Variants in ANO2 observed in about 807,000 individuals in gnomAD.
ANO2 encodes anoctamin 2.
In ANO2, 101 loss-of-function variants were observed where a neutral mutation model predicts 124.2. That is an observed-to-expected ratio of 0.81 (90% CI 0.69 to 0.96). ANO2 has a LOEUF of 0.96. ANO2 is among the 40% of genes least tolerant of loss of function. The probability of loss-of-function intolerance (pLI) is 0.00; values close to 1 mark genes in which losing one functional copy is unlikely to be tolerated. For synonymous variants in ANO2, 486 were observed against 482.5 expected (o/e 1.01, Z -0.09); for missense variants, 1,293 against 1,274.5 (o/e 1.01, Z -0.22).
chr12:5,665,598 G>T (rs1193129763), intron 14 of ANO2, among the ~76,000 whole-genome samples: 2 of 152,104 alleles, frequency 1.3e-5, no homozygotes, highest in African/African-American at 4.8e-5. Flanking sequence ...TCCCCACCTG[G>T]AGCCAGGACC....
chr12:5,892,987 G>A (rs1939514296), intron 3 of ANO2, among the ~76,000 whole-genome samples: 1 of 152,104 alleles, frequency 6.6e-6, no homozygotes, highest in East Asian at 1.9e-4. Context: ...ATACAAAGGA[G>A]GAAAGGCAAA....
chr12:5,577,588 C>T (rs1327349480), intron 22 of ANO2, among the ~76,000 whole-genome samples: 1 of 152,196 alleles, frequency 6.6e-6, no homozygotes, highest in Non-Finnish European at 1.5e-5. Context: ...CTGGGCAATG[C>T]TCCAGGTATT....
At chr12:5,739,100 C>CTCCA (rs1251344899) in intron 13 of ANO2, 1 of 673,242 alleles carries the variant, frequency 1.5e-6, no homozygotes, top group Admixed American at 2.0e-5. Context: ...GCTCAATGCC[C>CTCCA]TCCAGCTCAA....
chr12:5,640,474 G>C (rs1035232734), intron 15 of ANO2, among the ~76,000 whole-genome samples: 2 of 152,132 alleles, frequency 1.3e-5, no homozygotes, highest in Middle Eastern at 3.4e-3. Flanking sequence ...TTTGCAATCT[G>C]CCCATCTGAC....
intron 14 of ANO2, among the ~76,000 whole-genome samples, chr12:5,674,581 C>T (rs1948147052): frequency 6.6e-6 from 1 of 152,238 alleles, no homozygotes; most frequent in Non-Finnish European, 1.5e-5. Flanking sequence ...GTGGCCACCT[C>T]TTCTTAGAAG....
At chr12:5,627,542 G>C (rs1346181346) in intron 16 of ANO2, among the ~76,000 whole-genome samples, 1 of 152,184 alleles carries the variant, frequency 6.6e-6, no homozygotes, top group East Asian at 1.9e-4. Context: ...CCCCATCCCA[G>C]AGCACTGCAT....
rs78722556 is a variant in ANO2, at chr12:5,874,375, T to A, written c.535-20234A>T. On this transcript the variant is annotated intron_variant, in intron 3 of 24. Transcript: ENST00000682330. ...GGGAAGTCACGTCCCTTCCTCTCCC[T>A]TCTCTTGCCCTATGCAGGCAAGAGC... Among the ~76,000 whole-genome samples, 555 of 152,290 alleles carry A rather than the reference T, an allele frequency of 3.6e-3. 3 individuals are homozygous for A. The highest frequency in any genetic ancestry group is 0.012 in the African/African-American group (508 of 41,564).
chr12:5,818,639 G>A (rs1464690458), intron 7 of ANO2, among the ~76,000 whole-genome samples: 2 of 151,418 alleles, frequency 1.3e-5, no homozygotes, highest in East Asian at 3.9e-4. Context: ...TTCTGGAGTT[G>A]GCTGCTTAAT....
chr12:5,664,731 C>G (rs1408385860), intron 14 of ANO2, among the ~76,000 whole-genome samples: 1 of 152,184 alleles, frequency 6.6e-6, no homozygotes, highest in Admixed American at 6.5e-5. Context: ...TGTTCTCCCC[C>G]ATACTGAAAA....
At position 5,807,399 on chromosome 12, in the gene ANO2, C is replaced by A. The variant is rs778664749; in HGVS notation, c.893-31G>T. The A allele has an allele frequency of 5.2e-6, 8 of 1,540,600 alleles. No individual in the cohort carries two copies. In the East Asian group the frequency reaches 2.0e-4, roughly 38 times the overall value. On this transcript the variant is annotated intron_variant, in intron 7 of 24. Coordinates refer to ENST00000682330, the MANE Select transcript of ANO2 (RefSeq NM_001364791.2). ...GAAGAAAGGGAGATGAAAATAGTAACTCTGGGGCAAGCGTTTCTCAACTTA... is the reference window on the plus strand; with the variant it reads ...GAAGAAAGGGAGATGAAAATAGTAAATCTGGGGCAAGCGTTTCTCAACTTA...
chr12:5,914,091 TC>T (rs1941226379), intron 3 of ANO2, among the ~76,000 whole-genome samples: 1 of 151,966 alleles, frequency 6.6e-6, no homozygotes, highest in South Asian at 2.1e-4. Context: ...TCCCAGCTAC[TC>T]AGGAGGCTGA....
At chr12:5,798,307 C>T (rs898070963) in intron 10 of ANO2, among the ~76,000 whole-genome samples, 18 of 152,104 alleles carry the variant, frequency 1.2e-4, no homozygotes, top group African/African-American at 4.1e-4. Flanking sequence ...CCTTGGTTCA[C>T]GGTCCTCAGC....
At chr12:5,591,273 C>T (rs1591685619) in intron 20 of ANO2, among the ~76,000 whole-genome samples, 1 of 152,184 alleles carries the variant, frequency 6.6e-6, no homozygotes, top group Non-Finnish European at 1.5e-5. Context: ...CAGGTGCTTA[C>T]ATACCCTGCT....
intron 4 of ANO2, among the ~76,000 whole-genome samples, chr12:5,848,276 C>T (rs1954748900): frequency 6.6e-6 from 1 of 152,166 alleles, no homozygotes; most frequent in Non-Finnish European, 1.5e-5. Flanking sequence ...CCAGAAAGCC[C>T]AGAATGCAAC....
intron 23 of ANO2, 77 bp downstream of exon 23, chr12:5,575,757 A>G: frequency 6.7e-7 from 1 of 1,496,424 alleles, no homozygotes; most frequent in African/African-American, 1.4e-5. Flanking sequence ...CAGGGTTGTA[A>G]TTCTAGGTCG....
At position 5,925,662 on chromosome 12, in the gene ANO2, C is replaced by T. The variant is rs549185546; in HGVS notation, c.23-2858G>A. Among the ~76,000 whole-genome samples the T allele has an allele frequency of 6.6e-6, 1 of 152,238 alleles. No individual in the cohort carries two copies. Among genetic ancestry groups the T allele is most frequent in the Non-Finnish European group, 1.5e-5 (1 of 68,040 alleles). On this transcript the variant is annotated intron_variant, in intron 1 of 24. Coordinates refer to ENST00000682330, the MANE Select transcript of ANO2 (RefSeq NM_001364791.2). The surrounding 1 kb of genome is among the most constrained non-coding windows in gnomAD (Gnocchi z 4.6). ...GAGGTCAATTAGAAGGAAAGGCCAT[C>T]GTACACAGCCCGTGGAACATGTCAC...
intron 3 of ANO2, among the ~76,000 whole-genome samples, chr12:5,884,233 T>C (rs569687474): frequency 3.3e-5 from 5 of 152,262 alleles, no homozygotes; most frequent in South Asian, 4.2e-4. Flanking sequence ...CACCAGGACA[T>C]TGCAAAATTC....
chr12:5,799,648 CAG>C, intron 9 of ANO2, 77 bp from the exon 10 acceptor site: 1 of 1,324,946 alleles, frequency 7.5e-7, no homozygotes, highest in Non-Finnish European at 1.1e-6. Flanking sequence ...CCTAACAAGT[CAG>C]ATTTTTATCC....
intron 13 of ANO2, among the ~76,000 whole-genome samples, chr12:5,735,708 G>A (rs1950833575): frequency 6.6e-6 from 1 of 152,150 alleles, no homozygotes; most frequent in African/African-American, 2.4e-5. Flanking sequence ...AGAGTCTGGG[G>A]GAAAAGCAGT....
Sources: allele counts gnomAD v4.1 joint callset (sites outside exome capture counted in the v4.1 genomes callset), GRCh38; gene constraint gnomAD v4.1.1; non-coding constraint Gnocchi (gnomAD v3.1); transcripts MANE v1.5; gene names NCBI Gene and HGNC (gene_info 2026-07-23, HGNC 2026-07-21).